The following HPN variants were observed in gnomAD, a reference collection of about 807,000 sequenced individuals.
The protein encoded by HPN is hepsin.
In HPN, 13 loss-of-function variants were observed where a neutral mutation model predicts 55.9. The observed-to-expected ratio is 0.23, with a 90% CI of 0.15 to 0.37. The LOEUF is 0.37. Ranked by LOEUF, HPN falls within the 10% of genes least tolerant of loss-of-function variation. HPN has a pLI of 1.00. For missense variants in HPN, 451 were observed against 575.8 expected (o/e 0.78, Z 2.22); for synonymous variants, 225 against 240.3 (o/e 0.94, Z 0.59).
intron 2 of HPN, 27 bp from the exon 3 acceptor site, chr19:35,049,263 G>C: frequency 6.7e-7 from 1 of 1,500,362 alleles, no homozygotes; most frequent in Non-Finnish European, 8.9e-7. Flanking sequence ...AGGCCTGGCT[G>C]TGGCCCCAGC....
At chr19:35,065,390 T>A (rs1194500121) in intron 10 of HPN, 45 bp downstream of exon 10, 2 of 1,582,732 alleles carry the variant, frequency 1.3e-6, no homozygotes, top group African/African-American at 2.7e-5. Flanking sequence ...TGGGAGACTC[T>A]GAACTAGGCT....
At chr19:35,041,973 C>T in intron 1 of HPN, 101 bp downstream of exon 1, 2 of 1,199,516 alleles carry the variant, frequency 1.7e-6, no homozygotes, top group Non-Finnish European at 1.1e-6. Flanking sequence ...AGAGGGGTTC[C>T]TGGGGACCTG....
chr19:35,041,839 C>T lies in HPN; in HGVS notation c.-88C>T. The T allele has an allele frequency of 7.4e-7, 1 of 1,343,636 alleles. No homozygotes were observed. Among genetic ancestry groups the T allele is most frequent in the Non-Finnish European group, 9.8e-7 (1 of 1,018,086 alleles). The allele number at this position is 1,343,636 out of a possible 1,614,324, so 83.2% of individuals were successfully genotyped here. On this transcript the variant is annotated 5_prime_UTR_variant, in exon 1 of 13. Coordinates refer to ENST00000672452, the MANE Select transcript of HPN (RefSeq NM_001384133.1). Reference sequence around the variant, plus strand: ...GAGACTGACCCGACCCCGGCACTACCTCGAGGCTCCGCCCCCACCTGCTGG... The same window carrying T: ...GAGACTGACCCGACCCCGGCACTACTTCGAGGCTCCGCCCCCACCTGCTGG...
At chr19:35,065,474 C>A in intron 10 of HPN, 65 bp from the exon 11 acceptor site, 2 of 1,586,454 alleles carry the variant, frequency 1.3e-6, no homozygotes, top group South Asian at 1.1e-5. Flanking sequence ...ATGGGGTGGG[C>A]ACCAGGAGGG....
At chr19:35,041,688 T>TACCCCCCCCCCCCC, upstream of HPN, 1 of 638,114 alleles carries the variant, frequency 1.6e-6, no homozygotes, top group Non-Finnish European at 2.0e-6. Context: ...CCCCGCCCCT[T>TACCCCCCCCCCCCC]CACCCGCCCC....
chr19:35,061,669 G>C (rs912988636), intron 9 of HPN, among the ~76,000 whole-genome samples: 2 of 152,098 alleles, frequency 1.3e-5, no homozygotes, highest in African/African-American at 4.8e-5. Context: ...CCATAGAAAT[G>C]AATGAGGTAC....
Position 35,062,514 on chromosome 19 carries a change from T to A in HPN, c.811+1697T>A, listed in dbSNP as rs530700713. ...TTGGTCTTACTGAGACTCACTTAGG[T>A]GCCAACATGTCCTTAACACCTCTCC... On this transcript the variant is annotated intron_variant, in intron 9 of 12. Coordinates refer to ENST00000672452, the MANE Select transcript of HPN (RefSeq NM_001384133.1). Among the ~76,000 whole-genome samples, 4 of 152,310 alleles carry A rather than the reference T, an allele frequency of 2.6e-5. No individual in the cohort carries two copies. The South Asian group carries it at 8.3e-4, about 32-fold the overall frequency.
At chr19:35,065,155 C>A (rs897199302) in intron 9 of HPN, 95 bp from the exon 10 acceptor site, 2 of 765,000 alleles carry the variant, frequency 2.6e-6, no homozygotes, top group Admixed American at 2.6e-5. Flanking sequence ...ACAGAGAGGG[C>A]AGGGTGTGTT....
intron 4 of HPN, among the ~76,000 whole-genome samples, chr19:35,055,971 C>T (rs980122712): frequency 2.0e-5 from 3 of 152,106 alleles, no homozygotes; most frequent in African/African-American, 7.2e-5. Context: ...CTATTTCTAG[C>T]TCCCACCTGA....
intron 2 of HPN, among the ~76,000 whole-genome samples, chr19:35,048,001 A>T (rs1360041136): frequency 1.6e-5 from 2 of 127,744 alleles, no homozygotes; most frequent in Non-Finnish European, 3.4e-5. Context: ...AAAAAAAAAA[A>T]AAGAAAAAGA....
intron 2 of HPN, among the ~76,000 whole-genome samples, chr19:35,049,069 C>A (rs1032309686): frequency 2.6e-5 from 4 of 152,178 alleles, no homozygotes; most frequent in East Asian, 1.9e-4. Flanking sequence ...CGGCCATGCC[C>A]CCCTCCCAGC....
intron 1 of HPN, 73 bp downstream of exon 1, chr19:35,041,945 T>G: frequency 8.0e-7 from 1 of 1,248,240 alleles, no homozygotes; most frequent in East Asian, 6.5e-5. Context: ...CCACCCAGCC[T>G]AATGCCCACC....
intron 4 of HPN, among the ~76,000 whole-genome samples, chr19:35,056,578 T>G (rs1319797055): frequency 1.3e-5 from 2 of 151,998 alleles, no homozygotes; most frequent in African/African-American, 2.4e-5. Context: ...ACATGAACAG[T>G]CTCCCGGGAG....
chr19:35,062,867 A>T (rs1316258273), intron 9 of HPN, among the ~76,000 whole-genome samples: 2 of 149,838 alleles, frequency 1.3e-5, no homozygotes, highest in Non-Finnish European at 3.0e-5. Context: ...TGGTTGATAG[A>T]GCGAGACCCT....
At chr19:35,042,651 T>C (rs1327703303) in intron 2 of HPN, 129 bp downstream of exon 2, 6 of 471,428 alleles carry the variant, frequency 1.3e-5, no homozygotes, top group South Asian at 2.2e-5. Context: ...TCCCCACCCC[T>C]GTTAGTCCTC....
chr19:35,051,756 G>A (rs2064408137), intron 4 of HPN, among the ~76,000 whole-genome samples: 1 of 152,016 alleles, frequency 6.6e-6, no homozygotes, highest in Admixed American at 6.6e-5. Context: ...CCTGGCGGCA[G>A]CCTTTACCCA....
At chr19:35,056,874 C>A (rs2151762144) in intron 4 of HPN, among the ~76,000 whole-genome samples, 1 of 152,062 alleles carries the variant, frequency 6.6e-6, no homozygotes, top group South Asian at 2.1e-4. Flanking sequence ...ACAAGTCCTG[C>A]ATAAAAGAGC....
chr19:35,041,588 C>T (rs373222443), upstream of HPN: 114 of 1,145,692 alleles, frequency 1.0e-4, 2 homozygotes, highest in South Asian at 1.7e-3. Flanking sequence ...AGGCAAGCCC[C>T]GTAGCTGGGC....
At chr19:35,065,202 A>C (rs749979155) in intron 9 of HPN, 48 bp from the exon 10 acceptor site, 2 of 1,366,396 alleles carry the variant, frequency 1.5e-6, no homozygotes, top group Admixed American at 3.5e-5. Context: ...GGTTTGTACC[A>C]GGTGGGGCAG....
Sources: allele counts gnomAD v4.1 joint callset (sites outside exome capture counted in the v4.1 genomes callset), GRCh38; gene constraint gnomAD v4.1.1; transcripts MANE v1.5; gene names NCBI Gene and HGNC (gene_info 2026-07-23, HGNC 2026-07-21).